Variants in EMP2 observed in about 807,000 individuals in gnomAD.
EMP2 encodes epithelial membrane protein 2.
In EMP2, 19 loss-of-function variants were observed where a neutral mutation model predicts 13.7. That is an observed-to-expected ratio of 1.38 (90% confidence interval 0.97 to 2.03). EMP2 has a LOEUF of 2.03. EMP2 is among the 30% of genes most tolerant of loss of function. The probability of loss-of-function intolerance (pLI) is 0.00; values close to 1 mark genes in which losing one functional copy is unlikely to be tolerated. For missense variants in EMP2, 253 were observed against 220.7 expected, an observed-to-expected ratio of 1.15 and a Z score of -0.93; for synonymous variants, 97 against 84.7, an observed-to-expected ratio of 1.15 and a Z score of -0.80.
chr16:10,556,785 C>A (rs978652676), intron 1 of EMP2, among the ~76,000 whole-genome samples: 1 of 152,178 alleles, frequency 6.6e-6, no homozygotes, highest in African/African-American at 2.4e-5. Flanking sequence ...GGGTGATTTG[C>A]CAAAATTCAC....
intron 1 of EMP2, among the ~76,000 whole-genome samples, chr16:10,575,339 C>T (rs1423304706): frequency 4.9e-5 from 7 of 144,274 alleles, no homozygotes; most frequent in Non-Finnish European, 7.5e-5. Flanking sequence ...CTGCAAGCTC[C>T]GCCTCCCGGG....
At chr16:10,575,336 C>T (rs1280284010) in intron 1 of EMP2, among the ~76,000 whole-genome samples, 1 of 144,444 alleles carries the variant, frequency 6.9e-6, no homozygotes, top group African/African-American at 2.6e-5. Context: ...TCACTGCAAG[C>T]TCCGCCTCCC....
At chr16:10,554,167 G>A (rs1240849690) in intron 1 of EMP2, among the ~76,000 whole-genome samples, 1 of 152,020 alleles carries the variant, frequency 6.6e-6, no homozygotes, top group African/African-American at 2.4e-5. Flanking sequence ...GAGTAGCTGG[G>A]ATTACAGGCA....
At chr16:10,566,715 G>A (rs535857180) in intron 1 of EMP2, among the ~76,000 whole-genome samples, 7 of 152,286 alleles carry the variant, frequency 4.6e-5, no homozygotes, top group East Asian at 3.9e-4. Flanking sequence ...GAGGTGGGGC[G>A]TGTGTGTCAC....
intron 4 of EMP2, among the ~76,000 whole-genome samples, chr16:10,534,121 A>G (rs1270637245): frequency 6.6e-6 from 1 of 152,098 alleles, no homozygotes. Context: ...CTCAAAAAAA[A>G]AAAGAAAAAT....
chr16:10,537,463 G>A (rs1251528839), intron 4 of EMP2, among the ~76,000 whole-genome samples: 1 of 152,098 alleles, frequency 6.6e-6, no homozygotes, highest in South Asian at 2.1e-4. Flanking sequence ...TCCTTTCTAT[G>A]GCCTGCAAGA....
Position 10,570,650 on chromosome 16 carries a change from G to A in EMP2, c.-61+9899C>T, listed in dbSNP as rs554742735. Among the ~76,000 whole-genome samples, 25 of 152,042 alleles carry A rather than the reference G, an allele frequency of 1.6e-4. No homozygotes were observed. In the South Asian group the frequency reaches 2.7e-3, roughly 17 times the overall value. ...TAACTTCAAGTGATCCACCCACCTCGGCCTCCCAAAGTGCTGGGATTACAG... is the reference window on the plus strand; with the variant it reads ...TAACTTCAAGTGATCCACCCACCTCAGCCTCCCAAAGTGCTGGGATTACAG... On this transcript the variant is annotated intron_variant, in intron 1 of 4. Transcript: ENST00000359543.
At chr16:10,550,416 T>C (rs1296179353) in intron 1 of EMP2, among the ~76,000 whole-genome samples, 1 of 152,228 alleles carries the variant, frequency 6.6e-6, no homozygotes, top group African/African-American at 2.4e-5. Context: ...AGGTCTGTCT[T>C]TGTTTTTCAT....
chr16:10,556,128 C>T (rs1489474479), intron 1 of EMP2, among the ~76,000 whole-genome samples: 3 of 152,190 alleles, frequency 2.0e-5, no homozygotes, highest in African/African-American at 4.8e-5. Flanking sequence ...TTGTACTCTA[C>T]AGAGCCAAAT....
intron 1 of EMP2, among the ~76,000 whole-genome samples, chr16:10,567,537 T>C (rs773949068): frequency 2.6e-5 from 4 of 152,014 alleles, no homozygotes; most frequent in Non-Finnish European, 4.4e-5. Context: ...CCAAGGTGGG[T>C]GAGCCAGGCA....
At chr16:10,554,038 T>TC (rs200446797) in intron 1 of EMP2, among the ~76,000 whole-genome samples, 14 of 131,094 alleles carry the variant, frequency 1.1e-4, no homozygotes, top group South Asian at 2.2e-4. Flanking sequence ...TTTCTTTCTT[T>TC]TTTTTTTTTT....
At chr16:10,576,068 C>A (rs1301786407) in intron 1 of EMP2, among the ~76,000 whole-genome samples, 1 of 152,078 alleles carries the variant, frequency 6.6e-6, no homozygotes, top group African/African-American at 2.4e-5. Flanking sequence ...TAACTAAATT[C>A]TTTGAGTATC....
chr16:10,536,652 G>A (rs1293575864), intron 4 of EMP2, among the ~76,000 whole-genome samples: 1 of 152,128 alleles, frequency 6.6e-6, no homozygotes, highest in Admixed American at 6.5e-5. Context: ...TTTATTAGCA[G>A]CTTGAGAATG....
chr16:10,537,028 G>A (rs1046864167), intron 4 of EMP2, among the ~76,000 whole-genome samples: 4 of 152,132 alleles, frequency 2.6e-5, no homozygotes, highest in East Asian at 1.9e-4. Context: ...ACCCTGGCCC[G>A]GGAGGTGGAG....
intron 4 of EMP2, among the ~76,000 whole-genome samples, 166 bp downstream of exon 4, chr16:10,537,760 CCA>C (rs34979037): frequency 8.1e-4 from 121 of 148,796 alleles, no homozygotes; most frequent in African/African-American, 1.7e-3. Context: ...ATGCATGCGC[CCA>C]CACACACACA....
chr16:10,549,931 G>C (rs1267853982), intron 1 of EMP2, among the ~76,000 whole-genome samples: 2 of 138,438 alleles, frequency 1.4e-5, no homozygotes, highest in Admixed American at 1.5e-4. Context: ...TGTTGCCCAG[G>C]CTGGAGTACA....
intron 1 of EMP2, among the ~76,000 whole-genome samples, chr16:10,553,430 C>T (rs1290767035): frequency 1.3e-5 from 2 of 152,212 alleles, no homozygotes; most frequent in African/African-American, 2.4e-5. Context: ...CCACTGTCCG[C>T]TTTCTGGATT....
At chr16:10,551,739 G>A (rs2050789833) in intron 1 of EMP2, among the ~76,000 whole-genome samples, 1 of 152,018 alleles carries the variant, frequency 6.6e-6, no homozygotes. Flanking sequence ...GCCTTTTTCT[G>A]GTACCAACTA....
chr16:10,567,416 G>A (rs541508717), intron 1 of EMP2, among the ~76,000 whole-genome samples: 1 of 152,352 alleles, frequency 6.6e-6, no homozygotes, highest in Non-Finnish European at 1.5e-5. Flanking sequence ...TCTGAGGGCA[G>A]GGAGCATGAA....
Sources: gnomAD v4.1 joint callset for allele counts (sites outside exome capture counted in the v4.1 genomes callset) on GRCh38, gnomAD v4.1.1 for gene constraint, MANE v1.5 for transcripts, NCBI Gene and HGNC (gene_info 2026-07-23, HGNC 2026-07-21) for gene names.